Variants in PRKN observed in about 807,000 individuals in gnomAD.
PRKN encodes E3 ubiquitin-protein ligase parkin.
In PRKN, 56 loss-of-function variants were observed where a neutral mutation model predicts 59.5. That is an observed-to-expected ratio of 0.94 (90% confidence interval 0.76 to 1.18). The LOEUF is 1.18. PRKN is among the 50% of genes most tolerant of loss of function. The probability of loss-of-function intolerance (pLI) is 0.00; values close to 1 mark genes in which losing one functional copy is unlikely to be tolerated. For synonymous variants in PRKN, 250 were observed against 222.1 expected, an observed-to-expected ratio of 1.13 and a Z score of -1.12; for missense variants, 657 against 596.4, an observed-to-expected ratio of 1.10 and a Z score of -1.06.
At chr6:161,778,741 G>C (rs1309102256) in intron 7 of PRKN, among the ~76,000 whole-genome samples, 1 of 152,130 alleles carries the variant, frequency 6.6e-6, no homozygotes, top group Non-Finnish European at 1.5e-5. Flanking sequence ...AGCACCAGGA[G>C]TGCACGATCA....
chr6:162,143,635 C>A (rs948495504), intron 4 of PRKN, among the ~76,000 whole-genome samples: 2 of 152,154 alleles, frequency 1.3e-5, no homozygotes, highest in East Asian at 1.9e-4. Flanking sequence ...AAACAAGATA[C>A]ATTTGAAGAA....
intron 7 of PRKN, among the ~76,000 whole-genome samples, chr6:161,694,906 C>T (rs369998497): frequency 6.6e-6 from 1 of 152,146 alleles, no homozygotes; most frequent in East Asian, 1.9e-4. Context: ...TTGACACTCA[C>T]TGCGGGATCA....
intron 1 of PRKN, among the ~76,000 whole-genome samples, chr6:162,559,735 T>A (rs1178347114): frequency 6.6e-6 from 1 of 152,172 alleles, no homozygotes; most frequent in African/African-American, 2.4e-5. Flanking sequence ...TTTAAAAACA[T>A]CTCCACCTGT....
At chr6:161,591,011 T>C (rs1253882477) in intron 7 of PRKN, among the ~76,000 whole-genome samples, 1 of 152,208 alleles carries the variant, frequency 6.6e-6, no homozygotes, top group East Asian at 1.9e-4. Context: ...GCATCAATGC[T>C]AATTTCCTGA....
chr6:161,521,946 A>C (rs476161), intron 9 of PRKN, among the ~76,000 whole-genome samples: 126,317 of 152,108 alleles, frequency 0.83, 52,789 homozygotes, highest in Middle Eastern at 0.87. Flanking sequence ...CAGACATGTA[A>C]TCCATCAGAA....
chr6:162,241,740 C>T (rs1778998618), intron 3 of PRKN, among the ~76,000 whole-genome samples: 1 of 151,918 alleles, frequency 6.6e-6, no homozygotes, highest in South Asian at 2.1e-4. Flanking sequence ...TGATGATATC[C>T]AACATATATA....
chr6:162,214,699 C>G (rs114672155), intron 3 of PRKN, among the ~76,000 whole-genome samples: 2 of 152,010 alleles, frequency 1.3e-5, no homozygotes, highest in African/African-American at 4.8e-5. Flanking sequence ...TGTGGCCTGG[C>G]GGAAATTTCT....
intron 6 of PRKN, among the ~76,000 whole-genome samples, chr6:161,864,628 GTTTT>G (rs1794038769): frequency 1.3e-5 from 2 of 148,674 alleles, no homozygotes; most frequent in South Asian, 4.2e-4. Context: ...TCCAAAAGGT[GTTTT>G]TGTTTGTTTG....
chr6:162,038,434 G>C lies in PRKN; in HGVS notation c.618+15657C>G, dbSNP rs150508402. Among the ~76,000 whole-genome samples, 755 of 152,246 alleles carry C rather than the reference G, an allele frequency of 5.0e-3. 1 individual carries two copies. The highest frequency in any genetic ancestry group is 7.9e-3 in the Non-Finnish European group (536 of 68,024). ...CTTACAATGACAGGCTCTGAAGTAA[G>C]CACTTTATACCCTTTATCAGATAAT... On this transcript the variant is annotated intron_variant, in intron 5 of 11. Coordinates refer to ENST00000366898, the MANE Select transcript of PRKN (RefSeq NM_004562.3).
Position 162,364,835 on chromosome 6 carries a change from C to T in PRKN, c.171+78475G>A, listed in dbSNP as rs369323698. On this transcript the variant is annotated intron_variant, in intron 2 of 11. Transcript: ENST00000366898. ...ATATTTGTGTAAAAAACAAAGCAAC[C>T]AGGAATATGATCCTGGGCTGTCAAT... 3.9e-5 allele frequency among the ~76,000 whole-genome samples: 6 copies of T among 152,070 alleles called. No homozygotes were observed. In the South Asian group the frequency reaches 8.3e-4, roughly 21 times the overall value.
chr6:162,585,624 A>G (rs915195969), intron 1 of PRKN, among the ~76,000 whole-genome samples: 1 of 152,210 alleles, frequency 6.6e-6, no homozygotes, highest in African/African-American at 2.4e-5. Context: ...ATGCTCAGTA[A>G]ATGTTGGTAA....
intron 1 of PRKN, among the ~76,000 whole-genome samples, chr6:162,443,736 G>A (rs1245956218): frequency 6.6e-6 from 1 of 152,080 alleles, no homozygotes. Context: ...ATCCATCCTG[G>A]GAAACAGAGA....
intron 4 of PRKN, among the ~76,000 whole-genome samples, chr6:162,170,381 G>A (rs555153301): frequency 7.2e-5 from 11 of 152,166 alleles, no homozygotes; most frequent in Non-Finnish European, 1.0e-4. Context: ...TTTTTCTTCC[G>A]TTTATTTTCC....
intron 7 of PRKN, among the ~76,000 whole-genome samples, chr6:161,738,513 A>G (rs1562645221): frequency 6.6e-6 from 1 of 152,244 alleles, no homozygotes; most frequent in Non-Finnish European, 1.5e-5. Flanking sequence ...AAGGTAACAT[A>G]GCAAAGGGTA....
chr6:161,600,596 G>A (rs549786537), intron 7 of PRKN, among the ~76,000 whole-genome samples: 2 of 152,046 alleles, frequency 1.3e-5, no homozygotes, highest in South Asian at 2.1e-4. Flanking sequence ...AGAAAATTAC[G>A]GTTCTGTTGA....
chr6:161,585,494 T>G (rs1330040446), intron 7 of PRKN, among the ~76,000 whole-genome samples: 1 of 152,192 alleles, frequency 6.6e-6, no homozygotes, highest in Admixed American at 6.5e-5. Context: ...AACCCAAGAC[T>G]ATTCTAAACG....
chr6:161,457,194 T>C lies in PRKN; in HGVS notation c.1084-70317A>G, dbSNP rs190807983. 2.3e-4 allele frequency among the ~76,000 whole-genome samples: 35 copies of C among 152,338 alleles called. No individual in the cohort carries two copies. The highest frequency in any genetic ancestry group is 7.2e-4 in the African/African-American group (30 of 41,588). ...AAGTTAAACCCATGAGATTTTGTAATAAAGCCAAGGCTAATAATAATGCAT... is the reference window on the plus strand; with the variant it reads ...AAGTTAAACCCATGAGATTTTGTAACAAAGCCAAGGCTAATAATAATGCAT... On this transcript the variant is annotated intron_variant, in intron 9 of 11. Coordinates refer to ENST00000366898, the MANE Select transcript of PRKN (RefSeq NM_004562.3). The surrounding 1 kb of genome is among the most constrained non-coding windows in gnomAD (Gnocchi z 5.0).
intron 7 of PRKN, among the ~76,000 whole-genome samples, chr6:161,629,719 A>C (rs1319821285): frequency 6.6e-6 from 1 of 151,810 alleles, no homozygotes; most frequent in East Asian, 1.9e-4. Context: ...TTCCCCACCC[A>C]CCTAGCAAAT....
At chr6:161,496,277 T>C (rs1425851247) in intron 9 of PRKN, among the ~76,000 whole-genome samples, 1 of 152,206 alleles carries the variant, frequency 6.6e-6, no homozygotes, top group Non-Finnish European at 1.5e-5. Flanking sequence ...CTTACAAAGA[T>C]ATGCTGATGT....
Sources: allele counts gnomAD v4.1 joint callset (sites outside exome capture counted in the v4.1 genomes callset), GRCh38; gene constraint gnomAD v4.1.1; non-coding constraint Gnocchi (gnomAD v3.1); transcripts MANE v1.5; gene names NCBI Gene and HGNC (gene_info 2026-07-23, HGNC 2026-07-21).